Variants in LIPH observed in about 807,000 individuals in gnomAD.
LIPH encodes lipase H.
Under a neutral mutation model 47.6 loss-of-function variants are expected in LIPH, and 32 were observed. That is an observed-to-expected ratio of 0.67 (90% CI 0.51 to 0.90). The LOEUF is 0.90. Among genes scored for constraint, LIPH ranks in the 40% least tolerant of loss-of-function variants. LIPH has a pLI of 0.00. For synonymous variants in LIPH, 190 were observed against 195.6 expected, an observed-to-expected ratio of 0.97 and a Z score of 0.24; for missense variants, 497 against 541.4, an observed-to-expected ratio of 0.92 and a Z score of 0.81.
chr3:185,544,423 C>T (rs1253934133), intron 1 of LIPH, among the ~76,000 whole-genome samples: 6 of 151,788 alleles, frequency 4.0e-5, no homozygotes, highest in African/African-American at 7.3e-5. Flanking sequence ...GTGTGATCTC[C>T]GCTCACTGCA....
In LIPH at chr3:185,507,916, TC is replaced by T. The variant is rs1172267374; in HGVS notation, c.*873del. The T allele has an allele frequency of 1.3e-5, 2 of 152,284 alleles. No individual in the cohort carries two copies. Among genetic ancestry groups the T allele is most frequent in the African/African-American group, 4.8e-5 (2 of 41,474 alleles). 9.4% of individuals were successfully genotyped at this position (152,284 alleles called of 1,614,324 possible). On this transcript the variant is annotated 3_prime_UTR_variant, in exon 10 of 10. Transcript: ENST00000296252. ...AAAATGAGCGTTGCCTGTAAAGTGA[TC>T]CTTCTCCACCTTAGGTGAAAAATAA...
chr3:185,545,033 A>C (rs182731583), intron 1 of LIPH, among the ~76,000 whole-genome samples: 1 of 152,280 alleles, frequency 6.6e-6, no homozygotes, highest in East Asian at 1.9e-4. Flanking sequence ...GTTATGGTAC[A>C]AAGTCAAGGT....
intron 1 of LIPH, among the ~76,000 whole-genome samples, chr3:185,536,277 T>A (rs1189052837): frequency 6.6e-6 from 1 of 151,814 alleles, no homozygotes; most frequent in Non-Finnish European, 1.5e-5. Context: ...CAGCTCCAAG[T>A]GGGAGATGAT....
chr3:185,552,568 CAG>C lies in LIPH; in HGVS notation c.-99_-98del. 1.2e-6 allele frequency: 1 copy of C among 846,074 alleles called. No individual in the cohort carries two copies. Among genetic ancestry groups the C allele is most frequent in the Non-Finnish European group, 2.1e-6 (1 of 487,144 alleles). 52.4% of individuals were successfully genotyped at this position (846,074 alleles called of 1,614,324 possible). On this transcript the variant is annotated 5_prime_UTR_variant, in exon 1 of 10. Coordinates refer to ENST00000296252, the MANE Select transcript of LIPH (RefSeq NM_139248.3). The stretch of plus-strand genomic sequence containing the variant: ...TGTGGGATTTTGCTCACAGTGAGCT[CAG>C]ACGACTCAGAGGTGTGGTGACAACA...
rs749959955 is a variant in LIPH at position 185,534,919 on chromosome 3, A to T, written c.263T>A (p.Met88Lys). 1 of 1,614,000 alleles carries T rather than the reference A, an allele frequency of 6.2e-7. No individual in the cohort carries two copies. Among genetic ancestry groups the T allele is most frequent in the Non-Finnish European group, 8.5e-7 (1 of 1,179,854 alleles). ...FRPTGSPPVW[M>K]DDLVKGLLSV... ...GAGCAAACCCTTTACTAAGTCATCC[A>T]TCCAAACAGGAGGGGAGCCTGTTGG... The change falls in exon 2 of 10, where the codon ATG becomes AAG. Residue 88 changes from methionine (M) to lysine (K), a missense_variant. Coordinates refer to ENST00000296252, the MANE Select transcript of LIPH (RefSeq NM_139248.3).
intron 1 of LIPH, among the ~76,000 whole-genome samples, chr3:185,547,374 C>A (rs544731508): frequency 3.9e-5 from 6 of 152,272 alleles, no homozygotes; most frequent in Non-Finnish European, 8.8e-5. Context: ...ACTCATACTG[C>A]TTTTTTATCT....
rs1201052300 is a variant in LIPH, at chr3:185,507,053, T to C, written c.*1737A>G. 1.3e-5 allele frequency: 2 copies of C among 152,074 alleles called. No homozygotes were observed. The highest frequency in any genetic ancestry group is 2.9e-5 in the Non-Finnish European group (2 of 68,024). 9.4% of individuals were successfully genotyped at this position (152,074 alleles called of 1,614,324 possible). A position where few individuals can be genotyped will look rare whatever the true frequency, so the allele number is the denominator to read the frequency against. ...GATGTGCCACACAGGAATACATTTA[T>C]AGATTTCTTTAATTTATGACATAGA... On this transcript the variant is annotated 3_prime_UTR_variant, in exon 10 of 10. Transcript: ENST00000296252.
chr3:185,526,175 C>A (rs1458840546), intron 4 of LIPH, among the ~76,000 whole-genome samples: 2 of 151,768 alleles, frequency 1.3e-5, no homozygotes, highest in Non-Finnish European at 2.9e-5. Context: ...TCAGCCTGGA[C>A]AACATAGCGA....
chr3:185,520,333 A>G lies in LIPH; in HGVS notation c.719-1024T>C, dbSNP rs558798148. On this transcript the variant is annotated intron_variant, in intron 5 of 9. Transcript: ENST00000296252. Reference sequence around the variant, plus strand: ...CAGGAGTTCAAGACCAGCCTGACCAACATGGTGAAACCCCGTCTCTACTAA... The same window carrying G: ...CAGGAGTTCAAGACCAGCCTGACCAGCATGGTGAAACCCCGTCTCTACTAA... Among the ~76,000 whole-genome samples, 3 of 152,246 alleles carry G rather than the reference A, an allele frequency of 2.0e-5. No homozygotes were observed. In the South Asian group the frequency reaches 6.2e-4, roughly 32 times the overall value.
At chr3:185,524,687 G>C (rs540037409) in intron 4 of LIPH, among the ~76,000 whole-genome samples, 1 of 152,010 alleles carries the variant, frequency 6.6e-6, no homozygotes, top group South Asian at 2.1e-4. Flanking sequence ...CTGACCTCGC[G>C]ATCTGCCCGC....
At position 185,517,128 on chromosome 3, in the gene LIPH, C is replaced by A. The variant is rs1719750716; in HGVS notation, c.921G>T (p.Arg307Ser). 1 of 1,611,514 alleles carries A rather than the reference C, an allele frequency of 6.2e-7. No homozygotes were observed. Among genetic ancestry groups the A allele is most frequent in the South Asian group, 1.1e-5 (1 of 91,008 alleles). Residue 307 changes from arginine to serine, a missense_variant, in exon 7 of 10, where the codon AGG (arginine) becomes AGT (serine). Transcript: ENST00000296252. ...YYADNWKDHL[R>S]GKDPPMTKAF... ...CCTTCGTCATTGGAGGATCTTTCCC[C>A]CTTAGATGGTCTTTCCAATTATCAG... is the stretch of plus-strand genomic sequence containing the variant.
At chr3:185,528,332 A>AAGAAAGAAAGAAAG (rs1308424589) in intron 3 of LIPH, among the ~76,000 whole-genome samples, 2 of 151,130 alleles carry the variant, frequency 1.3e-5, no homozygotes, top group African/African-American at 4.9e-5. Context: ...AGAAGAAAGA[A>AAGAAAGAAAGAAAG]AGAAAGAAAG....
intron 8 of LIPH, 103 bp downstream of exon 8, chr3:185,514,307 G>GA (rs1719658516): frequency 1.4e-6 from 1 of 731,274 alleles, no homozygotes; most frequent in Non-Finnish European, 2.5e-6. Context: ...ATAGAACAAG[G>GA]AAAAGCATAG....
chr3:185,534,740 G>T, intron 2 of LIPH, 25 bp downstream of exon 2: 1 of 1,611,406 alleles, frequency 6.2e-7, no homozygotes, highest in South Asian at 1.1e-5. Flanking sequence ...ACTTAGCTCT[G>T]AATCATCTAA....
At chr3:185,529,695 G>A (rs1720250169) in intron 3 of LIPH, among the ~76,000 whole-genome samples, 2 of 151,120 alleles carry the variant, frequency 1.3e-5, no homozygotes, top group East Asian at 2.0e-4. Flanking sequence ...TTCGAGACCA[G>A]CCTGGGCAAC....
intron 1 of LIPH, among the ~76,000 whole-genome samples, chr3:185,536,110 C>A (rs1442799191): frequency 1.3e-5 from 2 of 152,180 alleles, no homozygotes; most frequent in Non-Finnish European, 2.9e-5. Flanking sequence ...ACAATGAAAA[C>A]CCACTTTCAG....
chr3:185,529,140 G>A (rs913743429), intron 3 of LIPH, among the ~76,000 whole-genome samples: 11 of 124,930 alleles, frequency 8.8e-5, no homozygotes, highest in African/African-American at 3.0e-4. Context: ...TCGTGCCACT[G>A]CACTCCAGCC....
chr3:185,537,215 T>A (rs1720529194), intron 1 of LIPH, among the ~76,000 whole-genome samples: 1 of 152,174 alleles, frequency 6.6e-6, no homozygotes, highest in African/African-American at 2.4e-5. Flanking sequence ...TTTTTCTTGG[T>A]GTCTGAAATT....
At chr3:185,519,796 C>G (rs1472036991) in intron 5 of LIPH, among the ~76,000 whole-genome samples, 2 of 114,804 alleles carry the variant, frequency 1.7e-5, no homozygotes, top group Non-Finnish European at 3.3e-5. Flanking sequence ...GAGATTGTGC[C>G]ATTGCACTCC....
Sources: allele counts gnomAD v4.1 joint callset (sites outside exome capture counted in the v4.1 genomes callset), GRCh38; gene constraint gnomAD v4.1.1; transcripts MANE v1.5; gene names NCBI Gene and HGNC (gene_info 2026-07-23, HGNC 2026-07-21).